The following DYNC1I1 variants were observed in gnomAD, a reference collection of about 807,000 sequenced individuals.
DYNC1I1 encodes cytoplasmic dynein 1 intermediate chain 1.
DYNC1I1 carries 43 observed loss-of-function variants against 86.6 expected under a neutral mutation model. That is an observed-to-expected ratio of 0.50 (90% confidence interval 0.39 to 0.64). The LOEUF is 0.64. Among genes scored for constraint, DYNC1I1 ranks in the 30% least tolerant of loss-of-function variants. The pLI, the probability that DYNC1I1 is intolerant of heterozygous loss-of-function variation, is 0.00. For missense variants in DYNC1I1, 604 were observed against 788.8 expected, an observed-to-expected ratio of 0.77 and a Z score of 2.81; for synonymous variants, 262 against 283.7, an observed-to-expected ratio of 0.92 and a Z score of 0.77.
chr7:95,926,818 G>T (rs1791758408), intron 6 of DYNC1I1, among the ~76,000 whole-genome samples: 1 of 152,160 alleles, frequency 6.6e-6, no homozygotes, highest in East Asian at 1.9e-4. Flanking sequence ...TAATCATAAT[G>T]ATCCACCTGC....
At chr7:95,819,739 G>A (rs187079227) in intron 4 of DYNC1I1, among the ~76,000 whole-genome samples, 13 of 152,236 alleles carry the variant, frequency 8.5e-5, no homozygotes, top group Admixed American at 6.5e-4. Context: ...GACTGAAGTC[G>A]CTAATTCAAG....
intron 14 of DYNC1I1, among the ~76,000 whole-genome samples, chr7:96,047,538 G>A (rs773606798): frequency 3.3e-5 from 5 of 152,182 alleles, no homozygotes; most frequent in Non-Finnish European, 7.3e-5. Context: ...AAGGCAAGAA[G>A]AGGGTCACGT....
At chr7:95,814,129 T>G (rs376142555) in intron 4 of DYNC1I1, among the ~76,000 whole-genome samples, 9 of 152,182 alleles carry the variant, frequency 5.9e-5, no homozygotes, top group African/African-American at 2.2e-4. Flanking sequence ...CACCCAATTC[T>G]TAAAGGCCAG....
intron 6 of DYNC1I1, among the ~76,000 whole-genome samples, chr7:95,974,281 T>A (rs975468514): frequency 1.3e-5 from 2 of 152,228 alleles, no homozygotes; most frequent in African/African-American, 4.8e-5. Flanking sequence ...GATTATTTTG[T>A]CTGTCTTGTT....
chr7:95,782,309 T>C (rs1281282949), intron 1 of DYNC1I1, among the ~76,000 whole-genome samples: 1 of 152,204 alleles, frequency 6.6e-6, no homozygotes, highest in East Asian at 1.9e-4. Flanking sequence ...TTCCATGAAG[T>C]CTGCCTATTC....
At chr7:95,811,137 G>A (rs544681343) in intron 3 of DYNC1I1, among the ~76,000 whole-genome samples, 1 of 152,226 alleles carries the variant, frequency 6.6e-6, no homozygotes, top group African/African-American at 2.4e-5. Context: ...TATCACTAAA[G>A]CTTGGATATT....
At chr7:95,861,262 A>T (rs1347042826) in intron 5 of DYNC1I1, among the ~76,000 whole-genome samples, 1 of 152,164 alleles carries the variant, frequency 6.6e-6, no homozygotes, top group African/African-American at 2.4e-5. Context: ...ACCATTGCTC[A>T]GTGTTATTTG....
intron 6 of DYNC1I1, among the ~76,000 whole-genome samples, chr7:95,927,372 C>G (rs1158717022): frequency 6.6e-6 from 1 of 152,018 alleles, no homozygotes; most frequent in Non-Finnish European, 1.5e-5. Context: ...ACAGGCAAAT[C>G]TAAGGGCTAC....
At chr7:96,023,219 A>C (rs915573656) in intron 10 of DYNC1I1, among the ~76,000 whole-genome samples, 1 of 152,174 alleles carries the variant, frequency 6.6e-6, no homozygotes, top group Admixed American at 6.5e-5. Context: ...ATTTAACAGC[A>C]TATGGCAACA....
At chr7:95,943,009 G>T (rs1235793459) in intron 6 of DYNC1I1, among the ~76,000 whole-genome samples, 7 of 106,826 alleles carry the variant, frequency 6.6e-5, no homozygotes, top group Admixed American at 3.3e-4. Flanking sequence ...CATAGTGTGG[G>T]AAGTTCTGAC....
intron 1 of DYNC1I1, among the ~76,000 whole-genome samples, chr7:95,778,489 C>T (rs1002168773): frequency 2.0e-5 from 3 of 152,114 alleles, no homozygotes; most frequent in African/African-American, 7.2e-5. Flanking sequence ...GTGTATGGGA[C>T]TCAAATTAGA....
intron 6 of DYNC1I1, among the ~76,000 whole-genome samples, chr7:95,958,553 C>A (rs899631255): frequency 4.0e-5 from 6 of 151,636 alleles, no homozygotes; most frequent in Admixed American, 1.3e-4. Context: ...AGAGTGAGAC[C>A]CAATCTCTTA....
chr7:95,925,135 C>T (rs1264744599), intron 6 of DYNC1I1, among the ~76,000 whole-genome samples: 1 of 152,158 alleles, frequency 6.6e-6, no homozygotes, highest in Non-Finnish European at 1.5e-5. Context: ...TCTCTCTAAA[C>T]TCGTTCATTA....
intron 6 of DYNC1I1, among the ~76,000 whole-genome samples, chr7:95,903,962 G>A (rs1791106755): frequency 6.6e-6 from 1 of 152,176 alleles, no homozygotes; most frequent in Non-Finnish European, 1.5e-5. Context: ...AGAGAGCCTA[G>A]AGACAGGTGG....
intron 5 of DYNC1I1, among the ~76,000 whole-genome samples, chr7:95,868,661 C>A (rs1427620553): frequency 2.0e-5 from 3 of 151,604 alleles, no homozygotes; most frequent in Non-Finnish European, 4.4e-5. Context: ...ATACTAAAAA[C>A]AATGTTCCAG....
chr7:95,882,212 G>GA (rs536088281), intron 6 of DYNC1I1, among the ~76,000 whole-genome samples: 62 of 151,988 alleles, frequency 4.1e-4, no homozygotes, highest in Non-Finnish European at 8.1e-4. Flanking sequence ...AAAATGGTTG[G>GA]AAAAAATGCT....
chr7:96,029,736 C>T (rs561561566), intron 11 of DYNC1I1, among the ~76,000 whole-genome samples: 10 of 152,020 alleles, frequency 6.6e-5, no homozygotes, highest in South Asian at 6.2e-4. Flanking sequence ...CATGGAGAAA[C>T]GCTGTCTCTA....
intron 6 of DYNC1I1, among the ~76,000 whole-genome samples, chr7:95,968,186 C>T (rs1473577574): frequency 2.8e-5 from 4 of 142,800 alleles, no homozygotes; most frequent in South Asian, 2.2e-4. Context: ...TGGCCTTAAC[C>T]GAAAAAAAAA....
downstream of DYNC1I1, among the ~76,000 whole-genome samples, chr7:96,101,044 C>T (rs1791127909): frequency 6.6e-6 from 1 of 152,048 alleles, no homozygotes; most frequent in Non-Finnish European, 1.5e-5. Flanking sequence ...CAGAGTGGGG[C>T]TTGCTCACAT....
Sources: allele counts gnomAD v4.1 joint callset (sites outside exome capture counted in the v4.1 genomes callset), GRCh38; gene constraint gnomAD v4.1.1; transcripts MANE v1.5; gene names NCBI Gene and HGNC (gene_info 2026-07-23, HGNC 2026-07-21).